The following TFAP2D variants were observed in gnomAD, a reference collection of about 807,000 sequenced individuals.
TFAP2D encodes the protein transcription factor AP-2 delta, also known as transcription factor AP-2-delta.
In TFAP2D, 9 loss-of-function variants were observed where a neutral mutation model predicts 43.6. That is an observed-to-expected ratio of 0.21 (90% confidence interval 0.12 to 0.36). The LOEUF is 0.36. Ranked by LOEUF, TFAP2D falls within the 10% of genes least tolerant of loss-of-function variation. The pLI, the probability that TFAP2D is intolerant of heterozygous loss-of-function variation, is 1.00. For missense variants in TFAP2D, 513 were observed against 561.4 expected (o/e 0.91, Z 0.87); for synonymous variants, 256 against 224.9 (o/e 1.14, Z -1.24).
intron 5 of TFAP2D, among the ~76,000 whole-genome samples, chr6:50,734,461 G>T (rs1031889407): frequency 6.6e-6 from 1 of 151,998 alleles, no homozygotes; most frequent in South Asian, 2.1e-4. Context: ...CTCACTCATC[G>T]CAGTCTGATG....
chr6:50,714,905 T>C (rs144620199), intron 1 of TFAP2D, among the ~76,000 whole-genome samples: 1 of 152,148 alleles, frequency 6.6e-6, no homozygotes, highest in East Asian at 1.9e-4. Flanking sequence ...CTCTCGACTG[T>C]GAGGACGAGG....
At chr6:50,743,650 G>T (rs1280021779) in intron 5 of TFAP2D, among the ~76,000 whole-genome samples, 2 of 152,084 alleles carry the variant, frequency 1.3e-5, no homozygotes, top group Admixed American at 6.6e-5. Context: ...CTCCCAAAGT[G>T]CTAGCATCTT....
chr6:50,734,758 G>C (rs569511989), intron 5 of TFAP2D, among the ~76,000 whole-genome samples: 1 of 152,154 alleles, frequency 6.6e-6, no homozygotes, highest in East Asian at 1.9e-4. Flanking sequence ...CTCTAGCTTG[G>C]CAGAGTCTTC....
At chr6:50,728,126 T>A (rs186519309) in intron 3 of TFAP2D, among the ~76,000 whole-genome samples, 1 of 152,322 alleles carries the variant, frequency 6.6e-6, no homozygotes, top group Admixed American at 6.5e-5. Flanking sequence ...TCCCTAATAG[T>A]AATAATGACA....
intron 2 of TFAP2D, 30 bp from the exon 3 acceptor site, chr6:50,719,060 A>C (rs1302642873): frequency 6.2e-7 from 1 of 1,609,502 alleles, no homozygotes; most frequent in Admixed American, 1.7e-5. Context: ...TATCCATTTA[A>C]GTAATTTTAT....
At chr6:50,759,668 A>T (rs550944604) in intron 7 of TFAP2D, among the ~76,000 whole-genome samples, 284 of 152,130 alleles carry the variant, frequency 1.9e-3, no homozygotes, top group African/African-American at 6.7e-3. Context: ...CATATGTAAA[A>T]ATTATGGTGC....
At position 50,772,664 on chromosome 6, in the gene TFAP2D, G is replaced by C; in HGVS notation, c.1159G>C (p.Gly387Arg). The change falls in exon 8 of 8, where the codon GGG becomes CGG. Residue 387 changes from glycine to arginine, a missense_variant. Transcript: ENST00000008391. ...THFSLITHGF[G>R]TPAICAALST... ...TTCCAGTTTGATCACTCATGGCTTT[G>C]GGACTCCGGCAATATGTGCAGCTCT... The C allele has an allele frequency of 6.2e-7, 1 of 1,613,894 alleles. No individual in the cohort carries two copies. The highest frequency in any genetic ancestry group is 1.1e-5 in the South Asian group (1 of 91,056).
At chr6:50,747,572 A>G (rs1365832598) in intron 6 of TFAP2D, among the ~76,000 whole-genome samples, 1 of 152,082 alleles carries the variant, frequency 6.6e-6, no homozygotes, top group Non-Finnish European at 1.5e-5. Flanking sequence ...TCCCCCAGGA[A>G]TGGTTTTGGA....
intron 5 of TFAP2D, 30 bp from the exon 6 acceptor site, chr6:50,745,077 G>A: frequency 3.1e-6 from 5 of 1,612,016 alleles, no homozygotes; most frequent in Non-Finnish European, 4.2e-6. Flanking sequence ...GGATACTGGT[G>A]AGAAACTCAC....
intron 5 of TFAP2D, among the ~76,000 whole-genome samples, chr6:50,739,647 G>A (rs993723372): frequency 2.6e-5 from 4 of 152,088 alleles, no homozygotes; most frequent in African/African-American, 9.7e-5. Context: ...TTTTTCATAG[G>A]TTTTTCTGTA....
At position 50,755,322 on chromosome 6, in the gene TFAP2D, C is replaced by A. The variant is rs72876516; in HGVS notation, c.1139+3998C>A. ...AAAAGGCATCAACAGAATATGTTAA[C>A]AATAGGATAGCAAAAGTCAGCTTGT... On this transcript the variant is annotated intron_variant, in intron 7 of 7. Transcript: ENST00000008391. 7.0e-3 allele frequency among the ~76,000 whole-genome samples: 1,058 copies of A among 151,186 alleles called. 9 individuals are homozygous for A. Among genetic ancestry groups the A allele is most frequent in the Non-Finnish European group, 0.01 (711 of 67,846 alleles).
In TFAP2D at chr6:50,769,890, A is replaced by G. The variant is rs375794964; in HGVS notation, c.1140-2755A>G. ...TTATATGAAGTGATACAGATAAAAA[A>G]CTTAGAACAGGACTTGACATATGTT... On this transcript the variant is annotated intron_variant, in intron 7 of 7. Coordinates refer to ENST00000008391, the MANE Select transcript of TFAP2D (RefSeq NM_172238.4). Among the ~76,000 whole-genome samples the G allele has an allele frequency of 1.4e-4, 21 of 152,318 alleles. No individual in the cohort carries two copies. The South Asian group carries it at 4.4e-3, about 32-fold the overall frequency.
At chr6:50,729,593 A>G (rs1449512389) in intron 5 of TFAP2D, among the ~76,000 whole-genome samples, 1 of 152,224 alleles carries the variant, frequency 6.6e-6, no homozygotes, top group Non-Finnish European at 1.5e-5. Context: ...TAACAGCAAC[A>G]TGAAATTGGC....
At chr6:50,738,421 T>C (rs1768992340) in intron 5 of TFAP2D, among the ~76,000 whole-genome samples, 1 of 152,114 alleles carries the variant, frequency 6.6e-6, no homozygotes, top group Non-Finnish European at 1.5e-5. Flanking sequence ...TTTTATTTCA[T>C]GGCTTTTAGT....
rs115404044 is a variant in TFAP2D at position 50,730,178 on chromosome 6, G to A, written c.883+866G>A. The stretch of plus-strand genomic sequence containing the variant: ...TCTATATGGCACTGTAGGAAGTAGT[G>A]AATGAAGCACAAAACCAAACATCTA... On this transcript the variant is annotated intron_variant, in intron 5 of 7. Coordinates refer to ENST00000008391, the MANE Select transcript of TFAP2D (RefSeq NM_172238.4). Among the ~76,000 whole-genome samples the A allele has an allele frequency of 7.5e-3, 1,140 of 152,248 alleles. 17 individuals are homozygous for A. Among genetic ancestry groups the A allele is most frequent in the African/African-American group, 0.026 (1,079 of 41,544 alleles).
chr6:50,729,975 C>A (rs907903799), intron 5 of TFAP2D, among the ~76,000 whole-genome samples: 3 of 151,938 alleles, frequency 2.0e-5, no homozygotes, highest in African/African-American at 7.3e-5. Flanking sequence ...ATTCAGTCTT[C>A]TTTTAAGGAG....
chr6:50,739,974 A>G (rs992652947), intron 5 of TFAP2D, among the ~76,000 whole-genome samples: 1 of 152,216 alleles, frequency 6.6e-6, no homozygotes, highest in Non-Finnish European at 1.5e-5. Context: ...AGAGCTGTAG[A>G]ATGCATTCCT....
chr6:50,730,719 A>T (rs990947287), intron 5 of TFAP2D, among the ~76,000 whole-genome samples: 2 of 152,206 alleles, frequency 1.3e-5, no homozygotes, highest in Non-Finnish European at 2.9e-5. Context: ...AATTGAAAAG[A>T]TTTCTTACAA....
intron 7 of TFAP2D, among the ~76,000 whole-genome samples, chr6:50,760,344 G>A (rs1304152321): frequency 6.6e-6 from 1 of 151,962 alleles, no homozygotes; most frequent in Non-Finnish European, 1.5e-5. Flanking sequence ...AATGGAATGA[G>A]GGTTGTTTAA....
Sources: allele counts gnomAD v4.1 joint callset (sites outside exome capture counted in the v4.1 genomes callset), GRCh38; gene constraint gnomAD v4.1.1; transcripts MANE v1.5; gene names NCBI Gene and HGNC (gene_info 2026-07-23, HGNC 2026-07-21).